THOC5: variants seen among roughly 807,000 people sequenced by gnomAD.
THOC5 encodes Fms-interacting protein.
Under a neutral mutation model 92.9 loss-of-function variants are expected in THOC5, and 43 were observed. The observed-to-expected ratio is 0.46, with a 90% CI of 0.36 to 0.60. THOC5 has a LOEUF of 0.60. Ranked by LOEUF, THOC5 falls within the 20% of genes least tolerant of loss-of-function variation. The pLI, the probability that THOC5 is intolerant of heterozygous loss-of-function variation, is 0.00. For synonymous variants in THOC5, 296 were observed against 320.1 expected (o/e 0.92, Z 0.80); for missense variants, 659 against 849.4 (o/e 0.78, Z 2.79).
intron 3 of THOC5, among the ~76,000 whole-genome samples, chr22:29,544,199 G>A (rs1469393905): frequency 6.6e-6 from 1 of 152,106 alleles, no homozygotes; most frequent in Non-Finnish European, 1.5e-5. Context: ...AAAATGCCTG[G>A]CACTTAATAA....
chr22:29,538,249 T>C (rs1429140196), intron 6 of THOC5, among the ~76,000 whole-genome samples: 4 of 152,146 alleles, frequency 2.6e-5, no homozygotes, highest in Non-Finnish European at 5.9e-5. Flanking sequence ...CCCAAAGTGC[T>C]GGGATTACAG....
In THOC5 at chr22:29,539,082, C is replaced by T. The variant is rs1291102139; in HGVS notation, c.599+248G>A. On this transcript the variant is annotated intron_variant, in intron 6 of 19. Transcript: ENST00000490103. Reference sequence around the variant, plus strand: ...CTGAGATCACACCACCGCACTCCAGCCTGGGAGACAGAGTGAGACTCCATC... The same window carrying T: ...CTGAGATCACACCACCGCACTCCAGTCTGGGAGACAGAGTGAGACTCCATC... Among the ~76,000 whole-genome samples the T allele has an allele frequency of 2.0e-5, 3 of 146,456 alleles. No individual in the cohort carries two copies. In the East Asian group the frequency reaches 6.0e-4, roughly 29 times the overall value.
intron 7 of THOC5, 64 bp from the exon 8 acceptor site, chr22:29,532,027 T>C: frequency 2.5e-6 from 4 of 1,575,040 alleles, no homozygotes; most frequent in Non-Finnish European, 3.5e-6. Context: ...AAAAAGTGGC[T>C]ACTTAGTGAC....
In THOC5 at chr22:29,512,155, G is replaced by A. The variant is rs1250468533; in HGVS notation, c.1682-19C>T. ...AGTTTGGCTGGGAAGAGAGGAGAGA[G>A]GGGAAATGCGCAGTTCTAAGACTCA... On this transcript the variant is annotated intron_variant, in intron 17 of 19. Transcript: ENST00000490103. 1.2e-6 allele frequency: 2 copies of A among 1,606,354 alleles called. No homozygotes were observed. Among genetic ancestry groups the A allele is most frequent in the African/African-American group, 1.3e-5 (1 of 74,792 alleles).
Position 29,526,917 on chromosome 22 carries a change from T to G in THOC5, c.1067-971A>C, listed in dbSNP as rs867681052. ...CTAAATGCACTTTGAGACCCTGGCT[T>G]GGATCTTGGGACAGAAAAAGGACAT... On this transcript the variant is annotated intron_variant, in intron 11 of 19. Coordinates refer to ENST00000490103, the MANE Select transcript of THOC5 (RefSeq NM_003678.5). Among the ~76,000 whole-genome samples, 8 of 152,302 alleles carry G rather than the reference T, an allele frequency of 5.3e-5. No homozygotes were observed. The Middle Eastern group carries it at 0.02, about 389-fold the overall frequency.
At chr22:29,541,620 G>A (rs935669573) in intron 5 of THOC5, among the ~76,000 whole-genome samples, 1 of 151,102 alleles carries the variant, frequency 6.6e-6, no homozygotes, top group African/African-American at 2.4e-5. Context: ...CCAGCACTTT[G>A]GGAGGCTGAG....
chr22:29,507,015 CATA>C lies in THOC5; in HGVS notation c.*1439_*1441del, dbSNP rs2063146517. 2.0e-5 allele frequency: 3 copies of C among 152,130 alleles called. No homozygotes were observed. Among genetic ancestry groups the C allele is most frequent in the African/African-American group, 7.2e-5 (3 of 41,422 alleles). The allele number at this position is 152,130 out of a possible 1,614,324, so 9.4% of individuals were successfully genotyped here. On this transcript the variant is annotated 3_prime_UTR_variant, in exon 20 of 20. Coordinates refer to ENST00000490103, the MANE Select transcript of THOC5 (RefSeq NM_003678.5). ...TTCTGAGTAACTGGGACTATTGGTG[CATA>C]CCACCACACCTGGCTGATTTTTAAA...
rs79004872 is a variant in THOC5 at position 29,543,425 on chromosome 22, C to T, written c.354+4G>A. 5.3e-3 allele frequency: 8,083 copies of T among 1,530,442 alleles called. 78 individuals carry two copies. The highest frequency in any genetic ancestry group is 0.052 in the Middle Eastern group (299 of 5,728). The allele number at this position is 1,530,442 out of a possible 1,614,324, so 94.8% of individuals were successfully genotyped here. Reference sequence around the variant, plus strand: ...AGGTTAAAATTAAACCTTTTAACTACTACCTCGTGGGTCTGATCTCTTCCT... The same window carrying T: ...AGGTTAAAATTAAACCTTTTAACTATTACCTCGTGGGTCTGATCTCTTCCT... On this transcript the variant is annotated splice_donor_region_variant and intron_variant, in intron 4 of 19. Transcript: ENST00000490103.
Position 29,508,484 on chromosome 22 carries a change from A to T in THOC5, c.2025T>A (p.His675Gln). 6.2e-7 allele frequency: 1 copy of T among 1,614,174 alleles called. No individual in the cohort carries two copies. The highest frequency in any genetic ancestry group is 8.5e-7 in the Non-Finnish European group (1 of 1,180,030). Residue 675 changes from histidine (H) to glutamine (Q), a missense_variant, in exon 20 of 20, where the codon CAT becomes CAA. By Grantham distance (24) the His-to-Gln change is conservative (BLOSUM62 0). Transcript: ENST00000490103. ...AGCGATGGCTGAAGAATCCCTGAGG[A>T]TGGTTGTATTTAAATGGCTTCATCC... is the stretch of plus-strand genomic sequence containing the variant. ...PSRMKPFKYN[H>Q]PQGFFSHR
chr22:29,518,937 A>G, intron 15 of THOC5, 69 bp downstream of exon 15: 1 of 1,025,944 alleles, frequency 9.7e-7, no homozygotes, highest in Non-Finnish European at 1.4e-6. Context: ...TTTTGAGTGA[A>G]AGGCTAAGTT....
chr22:29,539,002 C>A (rs1350996585), intron 6 of THOC5, among the ~76,000 whole-genome samples: 2 of 146,656 alleles, frequency 1.4e-5, no homozygotes, highest in Non-Finnish European at 3.0e-5. Flanking sequence ...CCCAGCTACT[C>A]GGGAGGCTGA....
Position 29,521,049 on chromosome 22 carries a change from T to C in THOC5, c.1226A>G (p.His409Arg), listed in dbSNP as rs1171965251. ...SVLSCLYPGD[H>R]GKKTPNPANQ... ...GGCTGGATTCGGAGTTTTCTTTCCATGATCCCCAGGATACAAGCAACTCAG... is the reference window on the plus strand; with the variant it reads ...GGCTGGATTCGGAGTTTTCTTTCCACGATCCCCAGGATACAAGCAACTCAG... Residue 409 changes from histidine (H) to arginine (R), a missense_variant, in exon 13 of 20, where the codon CAT becomes CGT. His to Arg is a conservative substitution (Grantham distance 29). Coordinates refer to ENST00000490103, the MANE Select transcript of THOC5 (RefSeq NM_003678.5). 6.2e-7 allele frequency: 1 copy of C among 1,614,190 alleles called. No individual in the cohort carries two copies.
chr22:29,520,711 G>A (rs1014884214), intron 13 of THOC5, among the ~76,000 whole-genome samples: 1 of 152,146 alleles, frequency 6.6e-6, no homozygotes, highest in Non-Finnish European at 1.5e-5. Flanking sequence ...GCCCAGGCTG[G>A]TATCGAACTC....
intron 5 of THOC5, 72 bp from the exon 6 acceptor site, chr22:29,539,548 T>C: frequency 6.6e-7 from 1 of 1,524,418 alleles, no homozygotes; most frequent in Non-Finnish European, 8.9e-7. Flanking sequence ...GGCCCAAAGT[T>C]ATCCCCAACA....
At chr22:29,527,011 G>C (rs1202035883) in intron 11 of THOC5, among the ~76,000 whole-genome samples, 1 of 152,196 alleles carries the variant, frequency 6.6e-6, no homozygotes, top group Non-Finnish European at 1.5e-5. Flanking sequence ...ATGAAATTAA[G>C]AGTGGTGTGG....
rs5752933 is a variant in THOC5 at position 29,506,203 on chromosome 22, A to C, written c.*2254T>G. ...AGAATGGAGTACTGATGGTGGGGTC[A>C]AGATACACTTTTTGACAAAACTGTC... On this transcript the variant is annotated 3_prime_UTR_variant, in exon 20 of 20. Coordinates refer to ENST00000490103, the MANE Select transcript of THOC5 (RefSeq NM_003678.5). 0.21 allele frequency: 32,148 copies of C among 152,174 alleles called. 3,617 individuals carry two copies. The highest frequency in any genetic ancestry group is 0.28 in the Middle Eastern group (83 of 292). 9.4% of individuals were successfully genotyped at this position (152,174 alleles called of 1,614,324 possible).
At chr22:29,519,709 C>T (rs1569212536) in intron 14 of THOC5, among the ~76,000 whole-genome samples, 1 of 151,562 alleles carries the variant, frequency 6.6e-6, no homozygotes, top group Admixed American at 6.6e-5. Context: ...CTCAGCTCAC[C>T]GCAACCTCTG....
rs146941508 is a variant in THOC5 at position 29,529,542 on chromosome 22, G to A, written c.848-303C>T. 2.0e-4 allele frequency among the ~76,000 whole-genome samples: 31 copies of A among 152,282 alleles called. 1 individual carries two copies. Among genetic ancestry groups the A allele is most frequent in the African/African-American group, 7.0e-4 (29 of 41,532 alleles). ...CCAAAGCACAGAAATTCAAACTGAG[G>A]GCCTAAAGCCACATGGAACTCCTCT... is the stretch of plus-strand genomic sequence containing the variant. On this transcript the variant is annotated intron_variant, in intron 8 of 19. Transcript: ENST00000490103.
chr22:29,528,318 C>G (rs907270066), intron 10 of THOC5, 108 bp downstream of exon 10: 7 of 1,613,904 alleles, frequency 4.3e-6, no homozygotes, highest in Non-Finnish European at 5.9e-6. Context: ...CTCCCAGCAG[C>G]ACCTTCTTTC....
Sources: allele counts gnomAD v4.1 joint callset (sites outside exome capture counted in the v4.1 genomes callset), GRCh38; gene constraint gnomAD v4.1.1; transcripts MANE v1.5; gene names NCBI Gene and HGNC (gene_info 2026-07-23, HGNC 2026-07-21).